The following FGD4 variants were observed in gnomAD, a reference collection of about 807,000 sequenced individuals.
The protein encoded by FGD4 is FYVE, RhoGEF and PH domain containing 4.
FGD4 carries 42 observed loss-of-function variants against 102.0 expected under a neutral mutation model. That is an observed-to-expected ratio of 0.41 (90% CI 0.32 to 0.53). FGD4 has a LOEUF of 0.53. Ranked by LOEUF, FGD4 falls within the 20% of genes least tolerant of loss-of-function variation. The pLI is 0.21. For synonymous variants in FGD4, 380 were observed against 375.7 expected, an observed-to-expected ratio of 1.01 and a Z score of -0.13; for missense variants, 902 against 1,078.2, an observed-to-expected ratio of 0.84 and a Z score of 2.29.
At chr12:32,621,842 A>C (rs951788163) in intron 11 of FGD4, among the ~76,000 whole-genome samples, 2 of 151,072 alleles carry the variant, frequency 1.3e-5, no homozygotes, top group Non-Finnish European at 2.9e-5. Flanking sequence ...CTGAGTCCTC[A>C]CTCAGTGGTT....
At position 32,620,349 on chromosome 12, in the gene FGD4, C is replaced by T. The variant is rs187581403; in HGVS notation, c.1922+479C>T. ...GGCAAGGTGGTAAGGGTAAAACTAC[C>T]GCCACCATAGTTGCAGGATACATGA... On this transcript the variant is annotated intron_variant, in intron 11 of 16. Transcript: ENST00000534526. Among the ~76,000 whole-genome samples the T allele has an allele frequency of 5.2e-3, 798 of 152,018 alleles. 6 individuals carry two copies. Among genetic ancestry groups the T allele is most frequent in the Non-Finnish European group, 7.8e-3 (529 of 67,964 alleles).
intron 1 of FGD4, chr12:32,486,198 GA>G: frequency 6.7e-7 from 1 of 1,499,934 alleles, no homozygotes; most frequent in Non-Finnish European, 8.9e-7. Context: ...AAAACATTTG[GA>G]TTTTTTCACT....
chr12:32,632,820 G>A (rs754794547), intron 14 of FGD4, among the ~76,000 whole-genome samples: 15 of 150,744 alleles, frequency 1.0e-4, no homozygotes, highest in Middle Eastern at 3.4e-3. Context: ...TGCCCTTCTC[G>A]GCCTCCCAAA....
rs71068326 is a variant in FGD4, at chr12:32,552,944, A to ATTT, written c.167-11174_167-11172dup. ...AGGCATGCGCCACCACGCCTGGCTAATTTTTTTTTTTTTTTTTTTTTGTAT... is the reference window on the plus strand; with the variant it reads ...AGGCATGCGCCACCACGCCTGGCTAATTTTTTTTTTTTTTTTTTTTTTTTGTAT... On this transcript the variant is annotated intron_variant, in intron 1 of 16. Coordinates refer to ENST00000534526, the MANE Select transcript of FGD4 (RefSeq NM_001370298.3). Among the ~76,000 whole-genome samples the ATTT allele has an allele frequency of 1.1e-3, 136 of 123,868 alleles. 2 individuals are homozygous for ATTT. Among genetic ancestry groups the ATTT allele is most frequent in the African/African-American group, 3.9e-3 (122 of 31,492 alleles). The allele number at this position is 123,868 out of a possible 152,430, so 81.3% of individuals were successfully genotyped here. A position where few individuals can be genotyped will look rare whatever the true frequency, so the allele number is the denominator to read the frequency against.
At chr12:32,626,462 A>T (rs1950180485) in intron 14 of FGD4, among the ~76,000 whole-genome samples, 1 of 145,234 alleles carries the variant, frequency 6.9e-6, no homozygotes, top group Non-Finnish European at 1.5e-5. Flanking sequence ...AAAAAAAAAA[A>T]AAAGGGGGTT....
intron 11 of FGD4, among the ~76,000 whole-genome samples, chr12:32,620,693 AT>A (rs1208809588): frequency 6.5e-3 from 631 of 97,062 alleles, no homozygotes; most frequent in East Asian, 0.015. Flanking sequence ...CACCTGGCTA[AT>A]TTTTTTTTTT....
chr12:32,486,035 C>T, intron 1 of FGD4: 3 of 1,479,378 alleles, frequency 2.0e-6, no homozygotes, highest in Non-Finnish European at 2.7e-6. Flanking sequence ...TACAGAATGC[C>T]TATAGTTTCT....
At chr12:32,440,825 C>A (rs1371120198) in intron 1 of FGD4, among the ~76,000 whole-genome samples, 1 of 152,216 alleles carries the variant, frequency 6.6e-6, no homozygotes, top group African/African-American at 2.4e-5. Context: ...ACCTGGTAAT[C>A]TAGTGTATTG....
At chr12:32,615,358 A>G (rs1027923094) in intron 10 of FGD4, among the ~76,000 whole-genome samples, 6 of 152,198 alleles carry the variant, frequency 3.9e-5, no homozygotes, top group African/African-American at 1.4e-4. Context: ...GAGACATAAA[A>G]TGTTCTGGAA....
intron 6 of FGD4, 146 bp from the exon 7 acceptor site, chr12:32,602,015 T>C: frequency 1.4e-6 from 1 of 701,828 alleles, no homozygotes; most frequent in East Asian, 2.7e-5. Context: ...CTGAGAGTGC[T>C]GAAGCTGGAG....
intron 1 of FGD4, among the ~76,000 whole-genome samples, chr12:32,473,961 G>T (rs1220030452): frequency 6.6e-6 from 1 of 151,982 alleles, no homozygotes. Flanking sequence ...GGTGGTGGGC[G>T]CCTGTAGTCC....
chr12:32,504,321 T>G (rs937087263), intron 1 of FGD4, among the ~76,000 whole-genome samples: 4 of 152,132 alleles, frequency 2.6e-5, no homozygotes, highest in African/African-American at 9.7e-5. Context: ...TGATCCCAAC[T>G]AGGGTACCTA....
chr12:32,591,847 TCC>T (rs1947502525), intron 4 of FGD4, among the ~76,000 whole-genome samples: 1 of 152,106 alleles, frequency 6.6e-6, no homozygotes, highest in East Asian at 1.9e-4. Context: ...AGCAGATCTC[TCC>T]CAAAGGGTAC....
rs575943561 is a variant in FGD4 at position 32,604,936 on chromosome 12, C to CTTTTTTTTTTTTTTTTTTTTT, written c.1404+2638_1404+2639insTTTTTTTTTTTTTTTTTTTTT. Among the ~76,000 whole-genome samples the CTTTTTTTTTTTTTTTTTTTTT allele has an allele frequency of 1.4e-4, 13 of 94,524 alleles. 3 individuals are homozygous for CTTTTTTTTTTTTTTTTTTTTT. Among genetic ancestry groups the CTTTTTTTTTTTTTTTTTTTTT allele is most frequent in the African/African-American group, 5.0e-4 (10 of 20,026 alleles). The allele number at this position is 94,524 out of a possible 152,430, so 62.0% of individuals were successfully genotyped here. Reference sequence around the variant, plus strand: ...TCAATTTTATCTAGCTTTATAGCTGCTTTTTTTTTTTTTTTTTTTGGAGTT... The same window carrying CTTTTTTTTTTTTTTTTTTTTT: ...TCAATTTTATCTAGCTTTATAGCTGCTTTTTTTTTTTTTTTTTTTTTTTTTTTTTTTTTTTTTTTTGGAGTT... On this transcript the variant is annotated intron_variant, in intron 7 of 16. Coordinates refer to ENST00000534526, the MANE Select transcript of FGD4 (RefSeq NM_001370298.3).
intron 7 of FGD4, among the ~76,000 whole-genome samples, chr12:32,604,334 C>T (rs1374531442): frequency 6.6e-6 from 1 of 151,866 alleles, no homozygotes; most frequent in Non-Finnish European, 1.5e-5. Context: ...TTTTTACTCC[C>T]ATTACACAAA....
chr12:32,444,323 A>T (rs1942547486), intron 1 of FGD4, among the ~76,000 whole-genome samples: 1 of 152,106 alleles, frequency 6.6e-6, no homozygotes, highest in Non-Finnish European at 1.5e-5. Context: ...GCACCCAGCC[A>T]ACAGGCTGAT....
chr12:32,531,772 T>C (rs1001012253), intron 1 of FGD4, among the ~76,000 whole-genome samples: 2 of 152,212 alleles, frequency 1.3e-5, no homozygotes, highest in African/African-American at 4.8e-5. Flanking sequence ...TTAGGTTAAG[T>C]ACCTAAGAGT....
At position 32,462,747 on chromosome 12, in the gene FGD4, A is replaced by C. The variant is rs77568018; in HGVS notation, c.166+62788A>C. Among the ~76,000 whole-genome samples the C allele has an allele frequency of 4.5e-3, 682 of 152,292 alleles. 9 individuals carry two copies. Among genetic ancestry groups the C allele is most frequent in the African/African-American group, 0.016 (657 of 41,558 alleles). ...AAGTGAGAAGGTTATATACCTCTTG[A>C]AATATGTAAGGTTGGATGATTAGAC... On this transcript the variant is annotated intron_variant, in intron 1 of 16. Coordinates refer to ENST00000534526, the MANE Select transcript of FGD4 (RefSeq NM_001370298.3).
chr12:32,531,240 C>T (rs1232636414), intron 1 of FGD4, among the ~76,000 whole-genome samples: 1 of 152,010 alleles, frequency 6.6e-6, no homozygotes, highest in Non-Finnish European at 1.5e-5. Flanking sequence ...TGAGCCACTC[C>T]ACCCGGCCCT....
Sources: allele counts gnomAD v4.1 joint callset (sites outside exome capture counted in the v4.1 genomes callset), GRCh38; gene constraint gnomAD v4.1.1; transcripts MANE v1.5; gene names NCBI Gene and HGNC (gene_info 2026-07-23, HGNC 2026-07-21).